SLC35F1: variants seen among roughly 807,000 people sequenced by gnomAD.
The protein encoded by SLC35F1 is solute carrier family 35 member F1.
Under a neutral mutation model 48.7 loss-of-function variants are expected in SLC35F1, and 14 were observed. That is an observed-to-expected ratio of 0.29 (90% CI 0.19 to 0.45). The LOEUF is 0.45. Among genes scored for constraint, SLC35F1 ranks in the 20% least tolerant of loss-of-function variants. The pLI is 1.00. For synonymous variants in SLC35F1, 190 were observed against 202.2 expected, an observed-to-expected ratio of 0.94 and a Z score of 0.51; for missense variants, 404 against 500.0, an observed-to-expected ratio of 0.81 and a Z score of 1.83.
At chr6:118,155,874 T>A (rs1774132805) in intron 2 of SLC35F1, among the ~76,000 whole-genome samples, 1 of 152,242 alleles carries the variant, frequency 6.6e-6, no homozygotes, top group Admixed American at 6.5e-5. Context: ...TGTATAAGAC[T>A]ATCAGTATTT....
Position 117,907,715 on chromosome 6 carries a change from G to A in SLC35F1, c.-12G>A. The A allele has an allele frequency of 6.7e-7, 1 of 1,495,820 alleles. No homozygotes were observed. The highest frequency in any genetic ancestry group is 9.0e-7 in the Non-Finnish European group (1 of 1,115,552). 92.7% of individuals were successfully genotyped at this position (1,495,820 alleles called of 1,614,324 possible). A position where few individuals can be genotyped will look rare whatever the true frequency, so the allele number is the denominator to read the frequency against. The stretch of plus-strand genomic sequence containing the variant: ...GCGTTCTGATCGCCGCCGCGCCTCA[G>A]CCTCTGCCGCGATGATCCCCCCTGA... On this transcript the variant is annotated 5_prime_UTR_variant, in exon 1 of 8. Coordinates refer to ENST00000360388, the MANE Select transcript of SLC35F1 (RefSeq NM_001029858.4).
intron 1 of SLC35F1, among the ~76,000 whole-genome samples, chr6:117,919,773 T>C (rs1041323952): frequency 1.3e-5 from 2 of 152,144 alleles, no homozygotes; most frequent in Non-Finnish European, 2.9e-5. Context: ...TTATGGAAAG[T>C]ATATAGCAAG....
chr6:118,187,577 G>T (rs138762429), intron 2 of SLC35F1, among the ~76,000 whole-genome samples: 1 of 152,086 alleles, frequency 6.6e-6, no homozygotes, highest in Non-Finnish European at 1.5e-5. Context: ...TATCCAGCGC[G>T]TGGGTGGCTG....
At chr6:118,178,561 A>T (rs1774526706) in intron 2 of SLC35F1, among the ~76,000 whole-genome samples, 3 of 152,220 alleles carry the variant, frequency 2.0e-5, no homozygotes, top group Middle Eastern at 3.4e-3. Context: ...GCTCAAGAAG[A>T]ATCATATGTA....
intron 1 of SLC35F1, among the ~76,000 whole-genome samples, chr6:117,986,576 C>T (rs1039817069): frequency 1.3e-5 from 2 of 152,196 alleles, no homozygotes; most frequent in African/African-American, 2.4e-5. Context: ...TCCATCCAAG[C>T]CCTGTTCCGG....
intron 1 of SLC35F1, among the ~76,000 whole-genome samples, chr6:118,141,886 G>A (rs1016377133): frequency 2.6e-5 from 4 of 152,176 alleles, no homozygotes; most frequent in Non-Finnish European, 5.9e-5. Context: ...ACTGAGCCAG[G>A]TGAACTGGAG....
rs969358415 is a variant in SLC35F1, at chr6:117,942,203, G to C, written c.173+34304G>C. 5.3e-5 allele frequency among the ~76,000 whole-genome samples: 8 copies of C among 152,104 alleles called. No homozygotes were observed. In the South Asian group the frequency reaches 1.7e-3, roughly 32 times the overall value. On this transcript the variant is annotated intron_variant, in intron 1 of 7. Coordinates refer to ENST00000360388, the MANE Select transcript of SLC35F1 (RefSeq NM_001029858.4). The stretch of plus-strand genomic sequence containing the variant: ...CTGGTGGTAGAGTGGGCTTGAATTC[G>C]AGTCTCACTGACACCAAGGCCCATG...
At chr6:117,942,248 A>G (rs1776242402) in intron 1 of SLC35F1, among the ~76,000 whole-genome samples, 1 of 152,126 alleles carries the variant, frequency 6.6e-6, no homozygotes, top group African/African-American at 2.4e-5. Context: ...TGGGATTCTG[A>G]CCTAATTCTA....
At chr6:118,247,063 T>C (rs1775516684) in intron 3 of SLC35F1, among the ~76,000 whole-genome samples, 1 of 152,218 alleles carries the variant, frequency 6.6e-6, no homozygotes, top group Non-Finnish European at 1.5e-5. Flanking sequence ...TATTTTCCAC[T>C]TCATCTGTTC....
intron 1 of SLC35F1, among the ~76,000 whole-genome samples, chr6:118,000,124 A>C (rs12181198): frequency 0.013 from 1,912 of 152,306 alleles, 30 homozygotes; most frequent in African/African-American, 0.041. Context: ...CCTGATACCA[A>C]AGCCTGGCAG....
At chr6:118,218,005 G>C (rs142942967) in intron 2 of SLC35F1, among the ~76,000 whole-genome samples, 1 of 152,108 alleles carries the variant, frequency 6.6e-6, no homozygotes, top group South Asian at 2.1e-4. Flanking sequence ...TGGTATAGAC[G>C]GCAGGTCCAC....
intron 1 of SLC35F1, among the ~76,000 whole-genome samples, chr6:118,132,773 G>T (rs1481890432): frequency 6.6e-6 from 1 of 152,134 alleles, no homozygotes; most frequent in Admixed American, 6.5e-5. Context: ...GTTCTTAATT[G>T]TATCCTCCAC....
At chr6:118,065,245 A>G (rs898088517) in intron 1 of SLC35F1, among the ~76,000 whole-genome samples, 5 of 152,186 alleles carry the variant, frequency 3.3e-5, no homozygotes, top group Non-Finnish European at 5.9e-5. Flanking sequence ...TAAGCTAAAA[A>G]CATGAACTCA....
At chr6:118,127,222 G>C (rs941479169) in intron 1 of SLC35F1, among the ~76,000 whole-genome samples, 12 of 151,814 alleles carry the variant, frequency 7.9e-5, no homozygotes, top group Non-Finnish European at 1.3e-4. Flanking sequence ...GGCCTTTTCT[G>C]CATCTATTGA....
chr6:118,018,370 C>T (rs748372696), intron 1 of SLC35F1, among the ~76,000 whole-genome samples: 8 of 148,452 alleles, frequency 5.4e-5, no homozygotes, highest in Non-Finnish European at 8.9e-5. Flanking sequence ...GACTCTGTCT[C>T]GGAAAAAAAA....
At chr6:118,097,352 A>T (rs577488742) in intron 1 of SLC35F1, among the ~76,000 whole-genome samples, 1 of 152,348 alleles carries the variant, frequency 6.6e-6, no homozygotes, top group African/African-American at 2.4e-5. Flanking sequence ...TTCCAAAGGG[A>T]GAAGGGGGCT....
At chr6:118,140,532 T>C (rs1257423862) in intron 1 of SLC35F1, among the ~76,000 whole-genome samples, 1 of 152,102 alleles carries the variant, frequency 6.6e-6, no homozygotes, top group Non-Finnish European at 1.5e-5. Flanking sequence ...TACTTGATAG[T>C]AAACATGTTA....
intron 3 of SLC35F1, among the ~76,000 whole-genome samples, chr6:118,260,814 A>G (rs1237018609): frequency 6.6e-6 from 1 of 152,140 alleles, no homozygotes; most frequent in Non-Finnish European, 1.5e-5. Flanking sequence ...CCATTCCGCT[A>G]ATTTCATTTA....
rs1032828301 is a variant in SLC35F1 at position 117,907,962 on chromosome 6, C to T, written c.173+63C>T. ...GGCTGCGGGCGCCCGGCTCCGGGTC[C>T]CCTCCGTCCCTGGGGCGGCCCACGG... On this transcript the variant is annotated intron_variant, in intron 1 of 7. Coordinates refer to ENST00000360388, the MANE Select transcript of SLC35F1 (RefSeq NM_001029858.4). 23 of 1,277,540 alleles carry T rather than the reference C, an allele frequency of 1.8e-5. No individual in the cohort carries two copies. In the Admixed American group the frequency reaches 4.7e-4, roughly 26 times the overall value. 79.1% of individuals were successfully genotyped at this position (1,277,540 alleles called of 1,614,324 possible). A position where few individuals can be genotyped will look rare whatever the true frequency, so the allele number is the denominator to read the frequency against.
Sources: gnomAD v4.1 joint callset for allele counts (sites outside exome capture counted in the v4.1 genomes callset) on GRCh38, gnomAD v4.1.1 for gene constraint, MANE v1.5 for transcripts, NCBI Gene and HGNC (gene_info 2026-07-23, HGNC 2026-07-21) for gene names.